ARID1B: variants seen among roughly 807,000 people sequenced by gnomAD.
The protein encoded by ARID1B is AT-rich interaction domain 1B, also known as AT-rich interactive domain-containing protein 1B.
ARID1B carries 30 observed loss-of-function variants against 212.3 expected under a neutral mutation model. The ratio of observed to expected loss-of-function variants is 0.14; its 90% confidence interval spans 0.11 to 0.19. The LOEUF is 0.19. ARID1B is among the 10% of genes least tolerant of loss of function. The pLI is 1.00. For synonymous variants in ARID1B, 1,402 were observed against 1,301.7 expected (o/e 1.08, Z -1.66); for missense variants, 2,891 against 3,204.0 (o/e 0.90, Z 2.36).
At position 157,094,635 on chromosome 6, in the gene ARID1B, G is replaced by A. The variant is rs1021195227; in HGVS notation, c.2491+9730G>A. Reference sequence around the variant, plus strand: ...CTCCCAAAGTGCTAGGATTACAGGCGTGAGCCACCGCGCCTGGCCGATTTA... The same window carrying A: ...CTCCCAAAGTGCTAGGATTACAGGCATGAGCCACCGCGCCTGGCCGATTTA... On this transcript the variant is annotated intron_variant, in intron 5 of 19. Transcript: ENST00000636930. This position sits in a 1 kb window ranked among gnomAD's most constrained non-coding sequence, Gnocchi z 4.3. Among the ~76,000 whole-genome samples the A allele has an allele frequency of 6.6e-6, 1 of 152,182 alleles. No individual in the cohort carries two copies. Among genetic ancestry groups the A allele is most frequent in the Non-Finnish European group, 1.5e-5 (1 of 68,030 alleles).
intron 4 of ARID1B, among the ~76,000 whole-genome samples, chr6:157,039,828 C>CTCTCTTTCTT (rs1781717964): frequency 8.7e-6 from 1 of 114,302 alleles, no homozygotes; most frequent in Admixed American, 9.2e-5. Context: ...TTCTCTCTTT[C>CTCTCTTTCTT]TCTCTTTCTT....
At chr6:156,910,709 C>T (rs1161840131) in intron 3 of ARID1B, among the ~76,000 whole-genome samples, 3 of 152,170 alleles carry the variant, frequency 2.0e-5, no homozygotes, top group Admixed American at 6.5e-5. Context: ...ATCTGCCATA[C>T]TGCTGGAACT....
At chr6:157,067,983 C>T (rs1783785180) in intron 4 of ARID1B, among the ~76,000 whole-genome samples, 1 of 152,212 alleles carries the variant, frequency 6.6e-6, no homozygotes, top group African/African-American at 2.4e-5. Context: ...GAACTCCTAA[C>T]TTTATAAAAT....
chr6:156,819,339 G>A (rs1214444472), intron 1 of ARID1B, among the ~76,000 whole-genome samples: 2 of 152,192 alleles, frequency 1.3e-5, no homozygotes, highest in African/African-American at 4.8e-5. Flanking sequence ...AGTAACAAAT[G>A]TGAGGAAAAA....
chr6:156,992,583 G>A (rs1469079504), intron 4 of ARID1B, among the ~76,000 whole-genome samples: 5 of 152,230 alleles, frequency 3.3e-5, no homozygotes, highest in Non-Finnish European at 7.3e-5. Context: ...CAGACGGCTA[G>A]CACCAGGGCC....
chr6:156,979,747 G>A (rs967385807), intron 4 of ARID1B, among the ~76,000 whole-genome samples: 1 of 152,148 alleles, frequency 6.6e-6, no homozygotes, highest in Non-Finnish European at 1.5e-5. Context: ...TAGTAGAGAC[G>A]GGGTTTCACC....
intron 2 of ARID1B, among the ~76,000 whole-genome samples, chr6:156,866,600 T>C (rs558905956): frequency 6.6e-6 from 1 of 152,358 alleles, no homozygotes; most frequent in Admixed American, 6.5e-5. Context: ...ATGTGAGTGC[T>C]GAATCTGCTG....
At chr6:157,080,381 A>C (rs1784566941) in intron 4 of ARID1B, among the ~76,000 whole-genome samples, 1 of 152,248 alleles carries the variant, frequency 6.6e-6, no homozygotes, top group South Asian at 2.1e-4. Context: ...TAAATTGAAT[A>C]CCATCAAAAC....
intron 4 of ARID1B, among the ~76,000 whole-genome samples, chr6:157,057,083 G>A (rs778274962): frequency 3.3e-5 from 5 of 151,048 alleles, no homozygotes; most frequent in Non-Finnish European, 5.9e-5. Context: ...TGAAAGCTCC[G>A]CCTCCTGGGT....
intron 1 of ARID1B, among the ~76,000 whole-genome samples, chr6:156,828,509 C>T (rs1194072482): frequency 6.6e-6 from 1 of 152,174 alleles, no homozygotes; most frequent in East Asian, 1.9e-4. Context: ...GGCTGAGGCT[C>T]CACGCCTAGC....
At chr6:157,110,638 C>T (rs1340278233) in intron 6 of ARID1B, 77 bp downstream of exon 6, 4 of 1,311,674 alleles carry the variant, frequency 3.0e-6, no homozygotes, top group Non-Finnish European at 4.4e-6. Flanking sequence ...CTTACCTATG[C>T]ACCTCCTTAT....
intron 18 of ARID1B, among the ~76,000 whole-genome samples, chr6:157,202,960 A>G (rs888376615): frequency 4.6e-5 from 7 of 152,208 alleles, no homozygotes; most frequent in African/African-American, 1.7e-4. Flanking sequence ...CGGGTTATAT[A>G]GCATTTGTCT....
intron 4 of ARID1B, among the ~76,000 whole-genome samples, chr6:156,985,826 A>G (rs899288626): frequency 3.6e-4 from 55 of 152,186 alleles, no homozygotes; most frequent in African/African-American, 1.3e-3. Context: ...ATCCTGTCCA[A>G]GTCACTCTCA....
At position 157,204,081 on chromosome 6, in the gene ARID1B, G is replaced by A. The variant is rs1476968611; in HGVS notation, c.5394+85G>A. On this transcript the variant is annotated intron_variant, in intron 19 of 19. Coordinates refer to ENST00000636930, the MANE Select transcript of ARID1B (RefSeq NM_001374828.1). The stretch of plus-strand genomic sequence containing the variant: ...CATTTGTGCTTGAACTAATGCCTGA[G>A]TTGATGAGCACTGACCGTCCAACAC... The A allele has an allele frequency of 2.6e-6, 4 of 1,545,238 alleles. No homozygotes were observed. In the East Asian group the frequency reaches 6.8e-5, roughly 26 times the overall value.
At chr6:156,945,070 T>C (rs368432939) in intron 4 of ARID1B, among the ~76,000 whole-genome samples, 24 of 149,762 alleles carry the variant, frequency 1.6e-4, no homozygotes, top group East Asian at 3.9e-4. Flanking sequence ...CTACAGGCAC[T>C]TGCCACCAAG....
intron 4 of ARID1B, among the ~76,000 whole-genome samples, chr6:157,010,304 T>G (rs919235960): frequency 1.1e-4 from 13 of 120,966 alleles, no homozygotes; most frequent in African/African-American, 3.0e-4. Flanking sequence ...TTTTTTTTTT[T>G]GTTGTTGTTG....
chr6:156,913,217 CTTTT>C, intron 3 of ARID1B, among the ~76,000 whole-genome samples: 1 of 129,000 alleles, frequency 7.8e-6, no homozygotes, highest in Non-Finnish European at 1.6e-5. Flanking sequence ...TTTTCTTTTT[CTTTT>C]TTTTTTTTTT....
At chr6:157,173,710 C>T (rs2128303218) in intron 9 of ARID1B, 1 of 217,390 alleles carries the variant, frequency 4.6e-6, no homozygotes, top group Admixed American at 5.6e-5. Flanking sequence ...GTTGCCTACT[C>T]TTTTGAAGGT....
At chr6:156,946,274 A>G (rs1165695702) in intron 4 of ARID1B, among the ~76,000 whole-genome samples, 2 of 151,506 alleles carry the variant, frequency 1.3e-5, no homozygotes, top group Admixed American at 6.6e-5. Flanking sequence ...CGGGAGGCTG[A>G]GGCAAGAGAA....
Sources: allele counts gnomAD v4.1 joint callset (sites outside exome capture counted in the v4.1 genomes callset), GRCh38; gene constraint gnomAD v4.1.1; non-coding constraint Gnocchi (gnomAD v3.1); transcripts MANE v1.5; gene names NCBI Gene and HGNC (gene_info 2026-07-23, HGNC 2026-07-21).